Variants in CARMIL1 observed in about 807,000 individuals in gnomAD.
CARMIL1 encodes the protein F-actin-uncapping protein LRRC16A.
In CARMIL1, 90 loss-of-function variants were observed where a neutral mutation model predicts 177.1. The ratio of observed to expected loss-of-function variants is 0.51; its 90% CI spans 0.43 to 0.61. CARMIL1 has a LOEUF of 0.61. Ranked by LOEUF, CARMIL1 falls within the 20% of genes least tolerant of loss-of-function variation. CARMIL1 has a pLI of 0.00. For missense variants in CARMIL1, 1,380 were observed against 1,667.0 expected, an observed-to-expected ratio of 0.83 and a Z score of 3.00; for synonymous variants, 577 against 606.2, an observed-to-expected ratio of 0.95 and a Z score of 0.71.
intron 36 of CARMIL1, among the ~76,000 whole-genome samples, chr6:25,610,951 C>T (rs953880302): frequency 6.6e-6 from 1 of 152,160 alleles, no homozygotes; most frequent in African/African-American, 2.4e-5. Flanking sequence ...TCTGGAGCCA[C>T]ACAAGTCGTC....
intron 30 of CARMIL1, 65 bp from the exon 31 acceptor site, chr6:25,581,177 TA>T: frequency 6.9e-7 from 1 of 1,459,446 alleles, no homozygotes; most frequent in East Asian, 2.4e-5. Flanking sequence ...AGGAATTTTT[TA>T]TCCATCTCTA....
chr6:25,484,059 C>T, intron 12 of CARMIL1, among the ~76,000 whole-genome samples: 1 of 152,132 alleles, frequency 6.6e-6, no homozygotes, highest in East Asian at 1.9e-4. Flanking sequence ...AGCCTGGCTG[C>T]TTCTATCTCA....
chr6:25,530,750 A>C (rs1383951822), intron 24 of CARMIL1, among the ~76,000 whole-genome samples: 4 of 152,222 alleles, frequency 2.6e-5, no homozygotes, highest in Non-Finnish European at 4.4e-5. Flanking sequence ...AGGTATAAAT[A>C]GGATATGATA....
At chr6:25,527,961 A>G (rs906847559) in intron 23 of CARMIL1, among the ~76,000 whole-genome samples, 16 of 152,220 alleles carry the variant, frequency 1.1e-4, no homozygotes, top group African/African-American at 3.4e-4. Flanking sequence ...AAACCAACAA[A>G]TTTTTAAAAA....
chr6:25,393,556 CAA>C (rs201908574), intron 2 of CARMIL1: 20,240 of 91,676 alleles, frequency 0.22, 1,617 homozygotes, highest in East Asian at 0.41. Context: ...AACTCCATCT[CAA>C]AAAAAAAAAA....
chr6:25,585,095 C>A (rs1003651691), intron 31 of CARMIL1, among the ~76,000 whole-genome samples: 3 of 152,118 alleles, frequency 2.0e-5, no homozygotes, highest in Middle Eastern at 3.4e-3. Flanking sequence ...GATTAGCACA[C>A]CTTTACTTGA....
intron 11 of CARMIL1, among the ~76,000 whole-genome samples, chr6:25,475,356 G>C (rs185049969): frequency 6.6e-6 from 1 of 151,076 alleles, no homozygotes; most frequent in African/African-American, 2.4e-5. Context: ...AGCCAAGATC[G>C]AGCCACTGCA....
At chr6:25,371,244 T>C (rs1055266434) in intron 2 of CARMIL1, among the ~76,000 whole-genome samples, 4 of 152,204 alleles carry the variant, frequency 2.6e-5, no homozygotes, top group African/African-American at 9.7e-5. Context: ...TTGATAGAAT[T>C]ACCTCTTTTC....
intron 4 of CARMIL1, 141 bp downstream of exon 4, chr6:25,426,701 T>G: frequency 1.6e-6 from 1 of 632,470 alleles, no homozygotes; most frequent in Admixed American, 3.1e-5. Context: ...ACTGGCTGTG[T>G]GGACAGGAGT....
At chr6:25,578,657 C>G (rs966638830) in intron 29 of CARMIL1, among the ~76,000 whole-genome samples, 3 of 152,018 alleles carry the variant, frequency 2.0e-5, no homozygotes, top group East Asian at 1.9e-4. Context: ...GATACAGAAG[C>G]TGGGTTGCCT....
At chr6:25,610,601 C>T (rs531766689) in intron 36 of CARMIL1, among the ~76,000 whole-genome samples, 30 of 152,266 alleles carry the variant, frequency 2.0e-4, no homozygotes, top group African/African-American at 6.3e-4. Context: ...GCAGCACCCC[C>T]GGGCCTGAGC....
At chr6:25,603,985 T>G (rs1815684788) in intron 33 of CARMIL1, among the ~76,000 whole-genome samples, 1 of 152,200 alleles carries the variant, frequency 6.6e-6, no homozygotes, top group Non-Finnish European at 1.5e-5. Flanking sequence ...TGGTTCTACC[T>G]CAAAGCAAGG....
intron 31 of CARMIL1, among the ~76,000 whole-genome samples, chr6:25,586,660 GCAA>G (rs1281578478): frequency 6.6e-6 from 1 of 152,102 alleles, no homozygotes; most frequent in African/African-American, 2.4e-5. Flanking sequence ...TCCAGCCTGG[GCAA>G]CATTGAGCAT....
chr6:25,354,779 C>T (rs1456917346), intron 2 of CARMIL1, among the ~76,000 whole-genome samples: 5 of 152,196 alleles, frequency 3.3e-5, no homozygotes, highest in African/African-American at 7.2e-5. Context: ...ACTTTTCCAA[C>T]GTTTCTGGTG....
At chr6:25,280,862 G>A (rs1192396793) in intron 1 of CARMIL1, among the ~76,000 whole-genome samples, 1 of 152,004 alleles carries the variant, frequency 6.6e-6, no homozygotes, top group East Asian at 1.9e-4. Context: ...ATGTTTAATC[G>A]GCGCTGACAA....
At chr6:25,488,315 AG>A (rs1305858268) in intron 12 of CARMIL1, among the ~76,000 whole-genome samples, 166 bp from the exon 13 acceptor site, 1 of 152,188 alleles carries the variant, frequency 6.6e-6, no homozygotes, top group African/African-American at 2.4e-5. Flanking sequence ...GTTCTTCCTG[AG>A]GGTGTATCAA....
chr6:25,441,303 AC>A lies in CARMIL1; in HGVS notation c.371+5700del, dbSNP rs1797717927. Among the ~76,000 whole-genome samples the A allele has an allele frequency of 3.0e-5, 3 of 100,790 alleles. No individual in the cohort carries two copies. In the South Asian group the frequency reaches 1.2e-3, roughly 39 times the overall value. 66.1% of individuals were successfully genotyped at this position (100,790 alleles called of 152,430 possible). On this transcript the variant is annotated intron_variant, in intron 5 of 36. Coordinates refer to ENST00000329474, the MANE Select transcript of CARMIL1 (RefSeq NM_017640.6). ...TGACAGAGTAAGACCACATCTCAAA[AC>A]AAACAAACAAACAAACATATATATA...
At chr6:25,612,207 T>G (rs562161254) in intron 36 of CARMIL1, among the ~76,000 whole-genome samples, 5 of 152,352 alleles carry the variant, frequency 3.3e-5, no homozygotes, top group Admixed American at 6.5e-5. Context: ...TCTGAGGTGG[T>G]AAGATTTTGA....
At chr6:25,526,465 C>T in intron 23 of CARMIL1, among the ~76,000 whole-genome samples, 1 of 150,856 alleles carries the variant, frequency 6.6e-6, no homozygotes, top group East Asian at 1.9e-4. Context: ...CTTTTCTCTC[C>T]CCTCCCCTTT....
Sources: gnomAD v4.1 joint callset for allele counts (sites outside exome capture counted in the v4.1 genomes callset) on GRCh38, gnomAD v4.1.1 for gene constraint, MANE v1.5 for transcripts, NCBI Gene and HGNC (gene_info 2026-07-23, HGNC 2026-07-21) for gene names.